The following CTNND2 variants were observed in gnomAD, a reference collection of about 807,000 sequenced individuals.
The protein encoded by CTNND2 is catenin delta-2.
A neutral mutation model predicts 144.4 loss-of-function variants in CTNND2; 22 were observed. That is an observed-to-expected ratio of 0.15 (90% CI 0.11 to 0.22). The LOEUF (loss-of-function observed/expected upper bound fraction) is 0.22. Ranked by LOEUF, CTNND2 falls within the 10% of genes least tolerant of loss-of-function variation. The probability of loss-of-function intolerance (pLI) is 1.00; values close to 1 mark genes in which losing one functional copy is unlikely to be tolerated. For missense variants in CTNND2, 1,353 were observed against 1,618.8 expected, an observed-to-expected ratio of 0.84 and a Z score of 2.82; for synonymous variants, 751 against 695.6, an observed-to-expected ratio of 1.08 and a Z score of -1.25.
intron 3 of CTNND2, among the ~76,000 whole-genome samples, chr5:11,558,833 C>T (rs1776452466): frequency 6.6e-6 from 1 of 152,160 alleles, no homozygotes; most frequent in South Asian, 2.1e-4. Flanking sequence ...AGATATTTAA[C>T]ATCTAAGCCT....
At chr5:11,492,781 T>G (rs2149996118) in intron 3 of CTNND2, among the ~76,000 whole-genome samples, 1 of 152,036 alleles carries the variant, frequency 6.6e-6, no homozygotes, top group Non-Finnish European at 1.5e-5. Flanking sequence ...ATATAAATAT[T>G]AAGAAAAGGC....
chr5:11,112,297 C>A (rs1056949358), intron 13 of CTNND2, among the ~76,000 whole-genome samples: 1 of 152,092 alleles, frequency 6.6e-6, no homozygotes, highest in Non-Finnish European at 1.5e-5. Context: ...GGGGCCTGTA[C>A]GTCAAAGAGG....
intron 15 of CTNND2, among the ~76,000 whole-genome samples, chr5:11,089,479 C>T (rs958853908): frequency 6.6e-6 from 1 of 152,158 alleles, no homozygotes; most frequent in Non-Finnish European, 1.5e-5. Context: ...AGGGAAGAGA[C>T]CGAGTCATAT....
At chr5:11,693,816 T>A (rs565144516) in intron 2 of CTNND2, among the ~76,000 whole-genome samples, 40 of 152,226 alleles carry the variant, frequency 2.6e-4, no homozygotes, top group Non-Finnish European at 5.4e-4. Context: ...TAACACTGAA[T>A]TAGAGAATAC....
intron 3 of CTNND2, among the ~76,000 whole-genome samples, chr5:11,461,841 T>C (rs754770274): frequency 6.6e-6 from 1 of 152,186 alleles, no homozygotes; most frequent in Non-Finnish European, 1.5e-5. Context: ...TTCTCAGAGA[T>C]ACTGTGCAGC....
At chr5:11,064,224 C>T (rs1402591571) in intron 16 of CTNND2, among the ~76,000 whole-genome samples, 2 of 152,208 alleles carry the variant, frequency 1.3e-5, no homozygotes, top group Non-Finnish European at 2.9e-5. Flanking sequence ...CAGCTTGTTT[C>T]AGCCAAGTTG....
At chr5:11,145,133 A>G (rs1757120570) in intron 12 of CTNND2, among the ~76,000 whole-genome samples, 1 of 152,136 alleles carries the variant, frequency 6.6e-6, no homozygotes, top group Non-Finnish European at 1.5e-5. Flanking sequence ...ACACATTTTT[A>G]TAATAAAATA....
chr5:11,401,124 G>A (rs1255703351), intron 5 of CTNND2, among the ~76,000 whole-genome samples: 1 of 152,202 alleles, frequency 6.6e-6, no homozygotes, highest in Non-Finnish European at 1.5e-5. Context: ...CTCAGAAGAT[G>A]TAGAGGTTGA....
intron 12 of CTNND2, among the ~76,000 whole-genome samples, chr5:11,138,406 T>C (rs561154856): frequency 6.6e-6 from 1 of 152,304 alleles, no homozygotes; most frequent in South Asian, 2.1e-4. Context: ...GGGCCACTAT[T>C]CTGTCAATCC....
intron 2 of CTNND2, among the ~76,000 whole-genome samples, chr5:11,674,333 C>T (rs570359763): frequency 6.6e-6 from 1 of 152,226 alleles, no homozygotes; most frequent in East Asian, 1.9e-4. Context: ...ATTTTTTTCA[C>T]ATATGCATAT....
At chr5:11,728,855 C>T (rs968756753) in intron 2 of CTNND2, among the ~76,000 whole-genome samples, 1 of 151,782 alleles carries the variant, frequency 6.6e-6, no homozygotes, top group Non-Finnish European at 1.5e-5. Flanking sequence ...TTTTTAACTC[C>T]ACTGCTAACT....
intron 11 of CTNND2, among the ~76,000 whole-genome samples, chr5:11,191,656 T>C (rs1202207763): frequency 2.0e-5 from 3 of 152,196 alleles, no homozygotes; most frequent in Admixed American, 1.3e-4. Flanking sequence ...CTGCAGTGTG[T>C]GCACGTACCC....
intron 9 of CTNND2, among the ~76,000 whole-genome samples, chr5:11,326,880 T>C (rs1752589801): frequency 6.6e-6 from 1 of 152,164 alleles, no homozygotes; most frequent in African/African-American, 2.4e-5. Context: ...CAGCTGGGAT[T>C]CTGCATTTCG....
At chr5:11,442,458 G>T (rs1294650488) in intron 3 of CTNND2, among the ~76,000 whole-genome samples, 6 of 152,144 alleles carry the variant, frequency 3.9e-5, no homozygotes, top group Non-Finnish European at 8.8e-5. Flanking sequence ...CTGTGTTAAT[G>T]TTGATTTGAA....
chr5:11,389,718 G>A (rs1396549577), intron 6 of CTNND2, among the ~76,000 whole-genome samples: 2 of 152,142 alleles, frequency 1.3e-5, no homozygotes, highest in African/African-American at 4.8e-5. Flanking sequence ...CCATTAAGAA[G>A]AGCCTACTAC....
intron 1 of CTNND2, among the ~76,000 whole-genome samples, chr5:11,892,287 T>C (rs576436141): frequency 1.3e-5 from 2 of 152,316 alleles, no homozygotes; most frequent in East Asian, 1.9e-4. Context: ...CTGGGATGAA[T>C]AGCCTACCTT....
At chr5:11,742,549 T>C (rs544835437) in intron 1 of CTNND2, among the ~76,000 whole-genome samples, 1 of 152,200 alleles carries the variant, frequency 6.6e-6, no homozygotes, top group East Asian at 1.9e-4. Flanking sequence ...AAAAAACAAA[T>C]GTTGGCAAAA....
At chr5:11,679,966 G>T (rs1280350837) in intron 2 of CTNND2, among the ~76,000 whole-genome samples, 3 of 152,160 alleles carry the variant, frequency 2.0e-5, no homozygotes, top group African/African-American at 4.8e-5. Context: ...AATTACAGAA[G>T]AATAGAATCC....
At chr5:11,277,264 G>A (rs1746633863) in intron 9 of CTNND2, among the ~76,000 whole-genome samples, 2 of 151,758 alleles carry the variant, frequency 1.3e-5, no homozygotes, top group South Asian at 4.1e-4. Context: ...GTAAGCTTTT[G>A]AAACTCTCCC....
Sources: gnomAD v4.1 joint callset for allele counts (sites outside exome capture counted in the v4.1 genomes callset) on GRCh38, gnomAD v4.1.1 for gene constraint, MANE v1.5 for transcripts, NCBI Gene and HGNC (gene_info 2026-07-23, HGNC 2026-07-21) for gene names.